The following GNAQ variants were observed in gnomAD, a reference collection of about 807,000 sequenced individuals.
The protein encoded by GNAQ is G protein subunit alpha q, also known as guanine nucleotide-binding protein G(q) subunit alpha.
A neutral mutation model predicts 43.9 loss-of-function variants in GNAQ; 8 were observed. The ratio of observed to expected loss-of-function variants is 0.18; its 90% confidence interval spans 0.11 to 0.33. The LOEUF (loss-of-function observed/expected upper bound fraction) is 0.33. GNAQ is among the 10% of genes least tolerant of loss of function. GNAQ has a pLI of 1.00. For synonymous variants in GNAQ, 155 were observed against 170.7 expected (o/e 0.91, Z 0.71); for missense variants, 158 against 450.8 (o/e 0.35, Z 5.88).
chr9:77,805,724 A>T (rs914653974), intron 3 of GNAQ, among the ~76,000 whole-genome samples: 2 of 152,080 alleles, frequency 1.3e-5, no homozygotes, highest in Non-Finnish European at 2.9e-5. Context: ...CTTTTAATAC[A>T]AAGTGGCAGG....
intron 2 of GNAQ, among the ~76,000 whole-genome samples, chr9:77,821,722 T>TCCTA (rs543938174): frequency 1.4e-5 from 2 of 143,712 alleles, no homozygotes; most frequent in African/African-American, 5.3e-5. Flanking sequence ...TATCCTAGTA[T>TCCTA]GGGTGTGTGT....
intron 1 of GNAQ, among the ~76,000 whole-genome samples, chr9:78,007,213 G>T (rs1189923513): frequency 6.6e-6 from 1 of 150,804 alleles, no homozygotes; most frequent in Non-Finnish European, 1.5e-5. Flanking sequence ...GCAAATAAAA[G>T]AATTGATACT....
intron 2 of GNAQ, among the ~76,000 whole-genome samples, chr9:77,881,865 T>C (rs1353015858): frequency 2.6e-5 from 4 of 152,318 alleles, no homozygotes; most frequent in East Asian, 1.9e-4. Flanking sequence ...GGGCCGGGCA[T>C]GGTGGCCTAC....
At chr9:77,742,892 T>C (rs1825675202) in intron 5 of GNAQ, among the ~76,000 whole-genome samples, 2 of 152,178 alleles carry the variant, frequency 1.3e-5, no homozygotes, top group African/African-American at 4.8e-5. Context: ...GAAAAAATGC[T>C]GGGTAAAAGA....
intron 5 of GNAQ, among the ~76,000 whole-genome samples, chr9:77,783,469 A>G (rs1274743422): frequency 6.6e-6 from 1 of 152,174 alleles, no homozygotes; most frequent in Non-Finnish European, 1.5e-5. Context: ...AATATTTTCT[A>G]CTTCCTTTAT....
intron 5 of GNAQ, among the ~76,000 whole-genome samples, chr9:77,770,883 A>C (rs1301403819): frequency 6.6e-6 from 1 of 152,202 alleles, no homozygotes; most frequent in Non-Finnish European, 1.5e-5. Context: ...ACACTGCTTA[A>C]GATTTTTATT....
chr9:77,725,819 G>C (rs1348864597), intron 6 of GNAQ, among the ~76,000 whole-genome samples: 1 of 152,106 alleles, frequency 6.6e-6, no homozygotes, highest in East Asian at 1.9e-4. Flanking sequence ...TAGGTATGCT[G>C]CATCTGAGAA....
chr9:77,885,393 G>T (rs1015264780), intron 2 of GNAQ, among the ~76,000 whole-genome samples: 2 of 152,170 alleles, frequency 1.3e-5, no homozygotes, highest in African/African-American at 4.8e-5. Flanking sequence ...AAAAGTGAGG[G>T]TAGTAGGTTT....
At chr9:77,728,077 C>A (rs1825427189) in intron 6 of GNAQ, among the ~76,000 whole-genome samples, 1 of 151,996 alleles carries the variant, frequency 6.6e-6, no homozygotes, top group African/African-American at 2.4e-5. Context: ...TCACTGCAAC[C>A]TCCGCCTCCC....
intron 1 of GNAQ, among the ~76,000 whole-genome samples, chr9:77,950,431 G>A (rs976274490): frequency 1.2e-4 from 18 of 152,282 alleles, no homozygotes; most frequent in East Asian, 1.9e-4. Context: ...ACCAGCAGCC[G>A]TTTGCTCCCA....
chr9:77,957,367 A>AAAAAAC (rs575781497), intron 1 of GNAQ, among the ~76,000 whole-genome samples: 21 of 152,162 alleles, frequency 1.4e-4, no homozygotes, highest in South Asian at 6.2e-4. Context: ...AAAAAAAACA[A>AAAAAAC]AAAAACAAAA....
intron 2 of GNAQ, among the ~76,000 whole-genome samples, chr9:77,845,817 T>C (rs903324139): frequency 1.3e-5 from 2 of 152,166 alleles, no homozygotes; most frequent in Admixed American, 1.3e-4. Context: ...GGGTCTAGCA[T>C]AGGGACCCTG....
chr9:77,881,912 C>T (rs1009342324), intron 2 of GNAQ, among the ~76,000 whole-genome samples: 1 of 152,014 alleles, frequency 6.6e-6, no homozygotes, highest in Non-Finnish European at 1.5e-5. Context: ...CCGTGGCAGG[C>T]GGATCACTTG....
intron 2 of GNAQ, among the ~76,000 whole-genome samples, chr9:77,863,075 G>A (rs1293815743): frequency 1.3e-5 from 2 of 152,174 alleles, no homozygotes. Flanking sequence ...TTGGGAGGCA[G>A]AGGCAGGAGA....
At chr9:77,939,876 C>G (rs1432086406) in intron 1 of GNAQ, among the ~76,000 whole-genome samples, 1 of 152,160 alleles carries the variant, frequency 6.6e-6, no homozygotes, top group Non-Finnish European at 1.5e-5. Flanking sequence ...TCTGCACCCT[C>G]CCCTTTTAAA....
rs1263414938 is a variant in GNAQ, at chr9:78,031,664, TC to T, written c.-430del. Reference sequence around the variant, plus strand: ...CGGCGAGAGCTCATTCACCGGGGTGTCCCCGCAGCGAGCGGCCGCCGACGGC... The same window carrying T: ...CGGCGAGAGCTCATTCACCGGGGTGTCCCGCAGCGAGCGGCCGCCGACGGC... On this transcript the variant is annotated 5_prime_UTR_variant, in exon 1 of 7. Transcript: ENST00000286548. Among the ~76,000 whole-genome samples the T allele has an allele frequency of 6.9e-6, 1 of 145,942 alleles. No individual in the cohort carries two copies. The highest frequency in any genetic ancestry group is 1.5e-5 in the Non-Finnish European group (1 of 65,844).
chr9:77,755,340 T>C (rs560606762), intron 5 of GNAQ, among the ~76,000 whole-genome samples: 3 of 152,292 alleles, frequency 2.0e-5, no homozygotes, highest in South Asian at 2.1e-4. Context: ...GTTAAGTTTA[T>C]TGTACATTTT....
chr9:77,981,095 C>T (rs777586789), intron 1 of GNAQ, among the ~76,000 whole-genome samples: 5 of 152,146 alleles, frequency 3.3e-5, no homozygotes, highest in Non-Finnish European at 4.4e-5. Flanking sequence ...TTTAAATACA[C>T]GGATTTTTCC....
At chr9:77,756,479 C>T (rs10781458) in intron 5 of GNAQ, among the ~76,000 whole-genome samples, 66,631 of 152,110 alleles carry the variant, frequency 0.44, 17,380 homozygotes, top group Non-Finnish European at 0.6. Context: ...CAAGACTCCA[C>T]GTGGAAGCAT....
Sources: allele counts gnomAD v4.1 joint callset (sites outside exome capture counted in the v4.1 genomes callset), GRCh38; gene constraint gnomAD v4.1.1; transcripts MANE v1.5; gene names NCBI Gene and HGNC (gene_info 2026-07-23, HGNC 2026-07-21).